AGAP1: variants seen among roughly 807,000 people sequenced by gnomAD.
AGAP1 encodes arf-GAP with GTPase, ANK repeat and PH domain-containing protein 1.
Under a neutral mutation model 105.3 loss-of-function variants are expected in AGAP1, and 29 were observed. That is an observed-to-expected ratio of 0.28 (90% CI 0.21 to 0.38). The LOEUF (loss-of-function observed/expected upper bound fraction) is 0.38. AGAP1 is among the 10% of genes least tolerant of loss of function. The pLI is 1.00. For missense variants in AGAP1, 998 were observed against 1,165.1 expected, an observed-to-expected ratio of 0.86 and a Z score of 2.09; for synonymous variants, 509 against 485.9, an observed-to-expected ratio of 1.05 and a Z score of -0.63.
intron 13 of AGAP1, among the ~76,000 whole-genome samples, chr2:236,008,258 T>C (rs573388324): frequency 1.1e-4 from 17 of 152,286 alleles, no homozygotes; most frequent in African/African-American, 3.6e-4. Flanking sequence ...CTCATGCTGT[T>C]GTCATATACC....
intron 16 of AGAP1, among the ~76,000 whole-genome samples, chr2:236,084,771 G>A (rs1576267075): frequency 1.3e-5 from 2 of 152,114 alleles, no homozygotes; most frequent in African/African-American, 2.4e-5. Flanking sequence ...AGGCATGGTG[G>A]TGGGCGCCTG....
At position 235,551,711 on chromosome 2, in the gene AGAP1, T is replaced by C. The variant is rs1943815440; in HGVS notation, c.163+56862T>C. ...TCCTGCAGGATGTTTGCTGAGCATTTGTGAGTGGAGCATCTTTAGGGAAAG... is the reference window on the plus strand; with the variant it reads ...TCCTGCAGGATGTTTGCTGAGCATTCGTGAGTGGAGCATCTTTAGGGAAAG... On this transcript the variant is annotated intron_variant, in intron 1 of 17. Transcript: ENST00000304032. The surrounding 1 kb of genome is among the most constrained non-coding windows in gnomAD (Gnocchi z 4.8). Among the ~76,000 whole-genome samples the C allele has an allele frequency of 6.6e-6, 1 of 152,208 alleles. No homozygotes were observed. The highest frequency in any genetic ancestry group is 6.5e-5 in the Admixed American group (1 of 15,276).
In AGAP1 at chr2:236,040,389, C is replaced by T. The variant is rs2057510455; in HGVS notation, c.1801-362C>T. Among the ~76,000 whole-genome samples, 1 of 152,160 alleles carries T rather than the reference C, an allele frequency of 6.6e-6. No individual in the cohort carries two copies. Among genetic ancestry groups the T allele is most frequent in the African/African-American group, 2.4e-5 (1 of 41,420 alleles). On this transcript the variant is annotated intron_variant, in intron 14 of 17. Transcript: ENST00000304032. This position sits in a 1 kb window ranked among gnomAD's most constrained non-coding sequence, Gnocchi z 5.6. ...ATAAACGGATTATTTCTTTCTCATTCTTCTTACCAAGTAGACATGTGGCTA... is the reference window on the plus strand; with the variant it reads ...ATAAACGGATTATTTCTTTCTCATTTTTCTTACCAAGTAGACATGTGGCTA...
rs1001995295 is a variant in AGAP1 at position 236,119,774 on chromosome 2, T to C, written c.2115-418T>C. On this transcript the variant is annotated intron_variant, in intron 16 of 17. Coordinates refer to ENST00000304032, the MANE Select transcript of AGAP1 (RefSeq NM_001037131.3). The surrounding 1 kb of genome is among the most constrained non-coding windows in gnomAD (Gnocchi z 6.6). ...CTGTGCATCGGTGTGTGAGAGCCAC[T>C]GATCCAAGGCCATGGCCTTGAGCCC... is the stretch of plus-strand genomic sequence containing the variant. 8.5e-5 allele frequency among the ~76,000 whole-genome samples: 13 copies of C among 152,302 alleles called. No homozygotes were observed. Among genetic ancestry groups the C allele is most frequent in the African/African-American group, 2.9e-4 (12 of 41,558 alleles).
intron 9 of AGAP1, among the ~76,000 whole-genome samples, chr2:235,869,115 C>G (rs2049314347): frequency 6.6e-6 from 1 of 152,108 alleles, no homozygotes; most frequent in Admixed American, 6.6e-5. Context: ...TCTTGCTTTA[C>G]AAACAAGTTA....
At chr2:235,942,444 G>A (rs565032933) in intron 12 of AGAP1, among the ~76,000 whole-genome samples, 8 of 152,232 alleles carry the variant, frequency 5.3e-5, no homozygotes, top group East Asian at 1.9e-4. Flanking sequence ...TTGGGAGGCC[G>A]AGACGGGCGG....
rs531632129 is a variant in AGAP1, at chr2:236,000,562, C to T, written c.1645+31939C>T. Reference sequence around the variant, plus strand: ...AGCCTGTTCCTAGAAGGCCATGGCGCACCTGCTCTGTGCAGAGGCTGGGCG... The same window carrying T: ...AGCCTGTTCCTAGAAGGCCATGGCGTACCTGCTCTGTGCAGAGGCTGGGCG... On this transcript the variant is annotated intron_variant, in intron 13 of 17. Transcript: ENST00000304032. The surrounding 1 kb of genome is among the most constrained non-coding windows in gnomAD (Gnocchi z 4.3). 1.3e-5 allele frequency among the ~76,000 whole-genome samples: 2 copies of T among 152,324 alleles called. No individual in the cohort carries two copies. The highest frequency in any genetic ancestry group is 4.1e-4 in the South Asian group (2 of 4,826).
intron 1 of AGAP1, among the ~76,000 whole-genome samples, chr2:235,651,590 A>T (rs1216284624): frequency 6.6e-6 from 1 of 152,206 alleles, no homozygotes; most frequent in Non-Finnish European, 1.5e-5. Context: ...GACGACGTAG[A>T]CAGATTCAGC....
At chr2:235,602,649 A>G (rs1026908439) in intron 1 of AGAP1, among the ~76,000 whole-genome samples, 13 of 152,206 alleles carry the variant, frequency 8.5e-5, no homozygotes, top group Admixed American at 6.5e-4. Context: ...CCACCTCCAC[A>G]GTTCCTCTTA....
intron 12 of AGAP1, among the ~76,000 whole-genome samples, chr2:235,947,102 T>G (rs1289505718): frequency 6.6e-6 from 1 of 152,334 alleles, no homozygotes; most frequent in East Asian, 1.9e-4. Context: ...AGTAGTTTTT[T>G]GGGGAACAAG....
chr2:236,085,353 G>A (rs1466564815), intron 16 of AGAP1, among the ~76,000 whole-genome samples: 2 of 152,170 alleles, frequency 1.3e-5, no homozygotes, highest in Admixed American at 6.5e-5. Context: ...AATCAGAAGC[G>A]TCCTTTGTTG....
In AGAP1 at chr2:236,065,391, A is replaced by G. The variant is rs532646695; in HGVS notation, c.2114+16110A>G. Among the ~76,000 whole-genome samples, 7 of 152,084 alleles carry G rather than the reference A, an allele frequency of 4.6e-5. No homozygotes were observed. In the South Asian group the frequency reaches 1.5e-3, roughly 32 times the overall value. ...TGGATGCATTTTATTTCTGAAATACACTCGCCCCGTGGGCGGTTTTCATCT... is the reference window on the plus strand; with the variant it reads ...TGGATGCATTTTATTTCTGAAATACGCTCGCCCCGTGGGCGGTTTTCATCT... On this transcript the variant is annotated intron_variant, in intron 16 of 17. Coordinates refer to ENST00000304032, the MANE Select transcript of AGAP1 (RefSeq NM_001037131.3).
chr2:236,066,674 T>C (rs535155726), intron 16 of AGAP1, among the ~76,000 whole-genome samples: 3 of 152,354 alleles, frequency 2.0e-5, no homozygotes, highest in South Asian at 2.1e-4. Flanking sequence ...AAAAAATTTA[T>C]ATTGGGGTAT....
intron 16 of AGAP1, among the ~76,000 whole-genome samples, chr2:236,112,089 C>A (rs759169903): frequency 6.6e-6 from 1 of 152,162 alleles, no homozygotes; most frequent in Non-Finnish European, 1.5e-5. Context: ...GATTCGCCCC[C>A]ACCCTGGGTC....
chr2:236,047,275 A>T (rs528548825), intron 15 of AGAP1, among the ~76,000 whole-genome samples: 5 of 152,186 alleles, frequency 3.3e-5, no homozygotes, highest in African/African-American at 1.2e-4. Flanking sequence ...CCTGGTTGTC[A>T]GTGATCCGGA....
intron 1 of AGAP1, among the ~76,000 whole-genome samples, chr2:235,604,375 G>A (rs1371571996): frequency 4.6e-5 from 7 of 151,212 alleles, no homozygotes; most frequent in African/African-American, 7.3e-5. Context: ...CCAGCTACTC[G>A]GGAAGCTGAG....
At chr2:235,603,206 T>C (rs533448990) in intron 1 of AGAP1, among the ~76,000 whole-genome samples, 146 of 152,214 alleles carry the variant, frequency 9.6e-4, no homozygotes, top group Non-Finnish European at 1.6e-3. Context: ...AAACCCCTTT[T>C]GCTCGGCTCT....
rs548488657 is a variant in AGAP1 at position 236,092,660 on chromosome 2, G to A, written c.2115-27532G>A. ...ACCCGCCTTGGCCTCCCAAAGTGCTGGGATTACAGGCGTGAGCCACCGCGC... is the reference window on the plus strand; with the variant it reads ...ACCCGCCTTGGCCTCCCAAAGTGCTAGGATTACAGGCGTGAGCCACCGCGC... On this transcript the variant is annotated intron_variant, in intron 16 of 17. Coordinates refer to ENST00000304032, the MANE Select transcript of AGAP1 (RefSeq NM_001037131.3). This position sits in a 1 kb window ranked among gnomAD's most constrained non-coding sequence, Gnocchi z 4.7. Among the ~76,000 whole-genome samples, 1 of 152,328 alleles carries A rather than the reference G, an allele frequency of 6.6e-6. No individual in the cohort carries two copies. The highest frequency in any genetic ancestry group is 2.4e-5 in the African/African-American group (1 of 41,580).
rs1032017240 is a variant in AGAP1 at position 235,556,165 on chromosome 2, C to T, written c.163+61316C>T. On this transcript the variant is annotated intron_variant, in intron 1 of 17. Coordinates refer to ENST00000304032, the MANE Select transcript of AGAP1 (RefSeq NM_001037131.3). This position sits in a 1 kb window ranked among gnomAD's most constrained non-coding sequence, Gnocchi z 5.3. ...GTGGGAGGGAGCCAGCCTGGTGGAC[C>T]GTGGCCTGCACACCTGCAGCAGCTC... Among the ~76,000 whole-genome samples the T allele has an allele frequency of 1.3e-5, 2 of 152,082 alleles. No homozygotes were observed. The highest frequency in any genetic ancestry group is 4.8e-5 in the African/African-American group (2 of 41,544).
Sources: allele counts gnomAD v4.1 joint callset (sites outside exome capture counted in the v4.1 genomes callset), GRCh38; gene constraint gnomAD v4.1.1; non-coding constraint Gnocchi (gnomAD v3.1); transcripts MANE v1.5; gene names NCBI Gene and HGNC (gene_info 2026-07-23, HGNC 2026-07-21).